Variants in CPE observed in about 807,000 individuals in gnomAD.
CPE encodes carbocypeptidase E.
A neutral mutation model predicts 53.5 loss-of-function variants in CPE; 17 were observed. That is an observed-to-expected ratio of 0.32 (90% CI 0.22 to 0.48). The LOEUF (loss-of-function observed/expected upper bound fraction) is 0.48, where lower values mean the gene tolerates loss of function less well. CPE is among the 20% of genes least tolerant of loss of function. The probability of loss-of-function intolerance (pLI) is 0.99; values close to 1 mark genes in which losing one functional copy is unlikely to be tolerated. For missense variants in CPE, 524 were observed against 614.7 expected, an observed-to-expected ratio of 0.85 and a Z score of 1.56; for synonymous variants, 226 against 228.8, an observed-to-expected ratio of 0.99 and a Z score of 0.11.
intron 3 of CPE, among the ~76,000 whole-genome samples, chr4:165,477,856 G>A (rs760177119): frequency 7.9e-5 from 12 of 152,270 alleles, no homozygotes; most frequent in South Asian, 4.1e-4. Context: ...AGGTAGCTGA[G>A]ACACATCCAC....
chr4:165,393,544 A>G (rs925263930), intron 1 of CPE, among the ~76,000 whole-genome samples: 4 of 152,202 alleles, frequency 2.6e-5, no homozygotes, highest in African/African-American at 9.7e-5. Context: ...GAGAGACATT[A>G]AACAACCTGC....
chr4:165,444,452 A>G (rs1036717171), intron 1 of CPE, among the ~76,000 whole-genome samples: 1 of 152,094 alleles, frequency 6.6e-6, no homozygotes, highest in African/African-American at 2.4e-5. Flanking sequence ...GCCTGAGCTC[A>G]GGCATTCGAG....
At chr4:165,442,912 C>G (rs1731640369) in intron 1 of CPE, among the ~76,000 whole-genome samples, 1 of 152,214 alleles carries the variant, frequency 6.6e-6, no homozygotes, top group Non-Finnish European at 1.5e-5. Flanking sequence ...AGTGCTGCAG[C>G]TGTCCCAGAA....
chr4:165,478,079 T>G (rs1246105653), intron 3 of CPE, among the ~76,000 whole-genome samples: 1 of 152,218 alleles, frequency 6.6e-6, no homozygotes, highest in Non-Finnish European at 1.5e-5. Context: ...AAGTTTACCC[T>G]GACTTTAATA....
chr4:165,466,623 T>TC (rs1732108564), intron 2 of CPE, among the ~76,000 whole-genome samples: 1 of 152,108 alleles, frequency 6.6e-6, no homozygotes, highest in African/African-American at 2.4e-5. Context: ...TTCAAGCTAT[T>TC]TTCCTGCCTC....
At chr4:165,433,677 G>A (rs1429904933) in intron 1 of CPE, among the ~76,000 whole-genome samples, 2 of 152,196 alleles carry the variant, frequency 1.3e-5, no homozygotes, top group African/African-American at 4.8e-5. Context: ...CGGCATGCAA[G>A]TAAAACCTTA....
intron 1 of CPE, among the ~76,000 whole-genome samples, chr4:165,429,268 T>C (rs1311287506): frequency 6.6e-6 from 1 of 152,236 alleles, no homozygotes; most frequent in African/African-American, 2.4e-5. Context: ...AGCCAGGCCA[T>C]GTGGACTCGG....
intron 1 of CPE, among the ~76,000 whole-genome samples, chr4:165,428,028 C>A (rs1256476032): frequency 6.7e-6 from 1 of 149,988 alleles, no homozygotes; most frequent in Admixed American, 6.6e-5. Context: ...CTCTTTCTTT[C>A]CTCTTTTATT....
At chr4:165,435,708 GC>G (rs11356066) in intron 1 of CPE, among the ~76,000 whole-genome samples, 26,835 of 152,018 alleles carry the variant, frequency 0.18, 2,581 homozygotes, top group African/African-American at 0.25. Context: ...TAATACGTGT[GC>G]TGACATTTAT....
chr4:165,491,083 A>T (rs958451839), intron 6 of CPE, among the ~76,000 whole-genome samples: 1 of 152,260 alleles, frequency 6.6e-6, no homozygotes, highest in African/African-American at 2.4e-5. Flanking sequence ...TTTTTCAAAC[A>T]GAAAAGTTGA....
At chr4:165,394,404 C>A (rs1476485652) in intron 1 of CPE, among the ~76,000 whole-genome samples, 2 of 152,112 alleles carry the variant, frequency 1.3e-5, no homozygotes, top group African/African-American at 4.8e-5. Flanking sequence ...CATGACTGAC[C>A]ATTTAGGAAT....
At chr4:165,496,670 G>A (rs1046794236) in intron 8 of CPE, among the ~76,000 whole-genome samples, 1 of 152,134 alleles carries the variant, frequency 6.6e-6, no homozygotes, top group African/African-American at 2.4e-5. Context: ...CCTTTTATGC[G>A]GAGTGTGTGG....
rs1312573343 is a variant in CPE at position 165,432,688 on chromosome 4, TTA to T, written c.308-31698_308-31697del. On this transcript the variant is annotated intron_variant, in intron 1 of 8. Transcript: ENST00000402744. The stretch of plus-strand genomic sequence containing the variant: ...AGTATCCTCCTTTTCCCTCAGTAAT[TTA>T]TATGTTTCAGACGGATTATTCATAT... 4.6e-5 allele frequency among the ~76,000 whole-genome samples: 7 copies of T among 152,204 alleles called. No individual in the cohort carries two copies. The East Asian group carries it at 1.3e-3, about 29-fold the overall frequency.
intron 1 of CPE, among the ~76,000 whole-genome samples, chr4:165,441,240 T>C (rs1029033209): frequency 1.3e-5 from 2 of 152,116 alleles, no homozygotes; most frequent in Non-Finnish European, 2.9e-5. Flanking sequence ...AGTGAAAGTG[T>C]TTTCAATGGC....
intron 1 of CPE, among the ~76,000 whole-genome samples, chr4:165,389,374 G>A (rs747783190): frequency 9.2e-5 from 14 of 152,052 alleles, no homozygotes; most frequent in Admixed American, 2.0e-4. Context: ...CTATTGTCAG[G>A]AATTGAGAGT....
chr4:165,475,069 A>G (rs969533681), intron 3 of CPE, among the ~76,000 whole-genome samples: 1 of 152,212 alleles, frequency 6.6e-6, no homozygotes, highest in Non-Finnish European at 1.5e-5. Flanking sequence ...TGCGAGTGAA[A>G]CGGCAACATT....
chr4:165,470,857 G>A (rs1732193224), intron 3 of CPE, among the ~76,000 whole-genome samples: 2 of 152,246 alleles, frequency 1.3e-5, no homozygotes, highest in South Asian at 4.1e-4. Context: ...CTAGCTGTCA[G>A]GGTAGGATGG....
At chr4:165,485,257 C>A (rs953742104) in intron 5 of CPE, among the ~76,000 whole-genome samples, 4 of 152,086 alleles carry the variant, frequency 2.6e-5, no homozygotes, top group Non-Finnish European at 4.4e-5. Flanking sequence ...CACTAACACT[C>A]AAGGATGAAG....
At chr4:165,425,222 T>C (rs1409151230) in intron 1 of CPE, among the ~76,000 whole-genome samples, 3 of 152,152 alleles carry the variant, frequency 2.0e-5, no homozygotes, top group Non-Finnish European at 4.4e-5. Context: ...AAAGATAATA[T>C]AGACTTAAAA....
Sources: allele counts gnomAD v4.1 joint callset (sites outside exome capture counted in the v4.1 genomes callset), GRCh38; gene constraint gnomAD v4.1.1; transcripts MANE v1.5; gene names NCBI Gene and HGNC (gene_info 2026-07-23, HGNC 2026-07-21).